MTR: variants seen among roughly 807,000 people sequenced by gnomAD.
MTR encodes methionine synthase.
A neutral mutation model predicts 154.8 loss-of-function variants in MTR; 84 were observed. The observed-to-expected ratio is 0.54, with a 90% CI of 0.45 to 0.65. MTR has a LOEUF of 0.65. Among genes scored for constraint, MTR ranks in the 30% least tolerant of loss-of-function variants. The pLI, the probability that MTR is intolerant of heterozygous loss-of-function variation, is 0.00. For synonymous variants in MTR, 554 were observed against 553.9 expected (o/e 1.00, Z 0.00); for missense variants, 1,275 against 1,570.2 (o/e 0.81, Z 3.18).
At chr1:236,829,490 T>G (rs958442445) in intron 12 of MTR, among the ~76,000 whole-genome samples, 1 of 152,242 alleles carries the variant, frequency 6.6e-6, no homozygotes, top group Non-Finnish European at 1.5e-5. Context: ...AAGGCCCAGG[T>G]GATTTGCCCA....
At chr1:236,818,049 G>A (rs1401304226) in intron 8 of MTR, among the ~76,000 whole-genome samples, 2 of 152,134 alleles carry the variant, frequency 1.3e-5, no homozygotes, top group East Asian at 1.9e-4. Flanking sequence ...TTAAATTTTT[G>A]TGCCTATCTG....
intron 15 of MTR, among the ~76,000 whole-genome samples, chr1:236,849,841 A>G (rs1663797768): frequency 2.0e-5 from 3 of 152,198 alleles, no homozygotes; most frequent in Admixed American, 2.0e-4. Flanking sequence ...ATATCCTTGA[A>G]TATGCTTAGA....
intron 3 of MTR, among the ~76,000 whole-genome samples, chr1:236,806,863 G>A (rs1469845130): frequency 1.3e-5 from 2 of 152,076 alleles, no homozygotes; most frequent in African/African-American, 4.8e-5. Flanking sequence ...TGACTAGTTT[G>A]TTTCACTTAA....
At chr1:236,795,975 T>C (rs1439978672) in intron 1 of MTR, among the ~76,000 whole-genome samples, 3 of 151,872 alleles carry the variant, frequency 2.0e-5, no homozygotes, top group Non-Finnish European at 2.9e-5. Flanking sequence ...GCAAAAAGCG[T>C]CCTCCCCTCG....
chr1:236,797,332 T>G (rs933303787), intron 1 of MTR, among the ~76,000 whole-genome samples: 13 of 152,214 alleles, frequency 8.5e-5, no homozygotes, highest in African/African-American at 2.7e-4. Context: ...AGGTTGGGCC[T>G]TAAAACTAAA....
chr1:236,896,403 G>A (rs924371931), intron 31 of MTR, among the ~76,000 whole-genome samples: 3 of 152,216 alleles, frequency 2.0e-5, no homozygotes, highest in African/African-American at 7.2e-5. Context: ...TGAGATCTGG[G>A]TTTGAGTCCT....
chr1:236,858,349 C>T (rs1479281739), intron 18 of MTR, among the ~76,000 whole-genome samples: 1 of 152,142 alleles, frequency 6.6e-6, no homozygotes, highest in African/African-American at 2.4e-5. Context: ...AAGAACAGCA[C>T]AGGAAAGACC....
intron 19 of MTR, among the ~76,000 whole-genome samples, chr1:236,860,811 C>T (rs1222308460): frequency 1.3e-5 from 2 of 152,104 alleles, no homozygotes; most frequent in Admixed American, 1.3e-4. Context: ...TATGTATTTA[C>T]TGCATACAAC....
At chr1:236,894,775 A>G (rs971906758) in intron 30 of MTR, 18 of 585,066 alleles carry the variant, frequency 3.1e-5, no homozygotes, top group African/African-American at 7.5e-5. Flanking sequence ...AAAACCTTGA[A>G]TGGTGCCACA....
intron 6 of MTR, among the ~76,000 whole-genome samples, chr1:236,813,878 G>T (rs1661446579): frequency 6.6e-6 from 1 of 151,988 alleles, no homozygotes; most frequent in Non-Finnish European, 1.5e-5. Flanking sequence ...TGGTGTAGGA[G>T]AATTTTTCTT....
chr1:236,897,300 C>CCACGCACGCACGCACACACA (rs1666680163), intron 32 of MTR, among the ~76,000 whole-genome samples, 182 bp downstream of exon 32: 1 of 30,714 alleles, frequency 3.3e-5, no homozygotes, highest in African/African-American at 9.7e-5. Context: ...TACATGCAAG[C>CCACGCACGCACGCACACACA]CACACACACG....
Position 236,898,143 on chromosome 1 carries a change from G to T in MTR, c.*499G>T. ...ATTCTGACGGGGAAGGTGTAGCTCTGTTCTCTTCGGAAGACCTCGTTTTCT... is the reference window on the plus strand; with the variant it reads ...ATTCTGACGGGGAAGGTGTAGCTCTTTTCTCTTCGGAAGACCTCGTTTTCT... On this transcript the variant is annotated 3_prime_UTR_variant, in exon 33 of 33. Coordinates refer to ENST00000366577, the MANE Select transcript of MTR (RefSeq NM_000254.3). 6.0e-6 allele frequency: 1 copy of T among 165,408 alleles called. No homozygotes were observed. The highest frequency in any genetic ancestry group is 1.6e-4 in the South Asian group (1 of 6,208). 10.2% of individuals were successfully genotyped at this position (165,408 alleles called of 1,614,324 possible).
chr1:236,850,258 T>C, intron 15 of MTR, 86 bp from the exon 16 acceptor site: 1 of 877,208 alleles, frequency 1.1e-6, no homozygotes, highest in Non-Finnish European at 1.5e-6. Flanking sequence ...TAATATTTTA[T>C]TAAAATAAAA....
chr1:236,840,933 G>A (rs926383068), intron 15 of MTR, among the ~76,000 whole-genome samples: 1 of 152,160 alleles, frequency 6.6e-6, no homozygotes, highest in African/African-American at 2.4e-5. Context: ...GAGGCACGTT[G>A]TTAAAATTGT....
chr1:236,897,435 C>T (rs1318897559), intron 32 of MTR, 123 bp from the exon 33 acceptor site: 2 of 963,626 alleles, frequency 2.1e-6, no homozygotes, highest in African/African-American at 3.2e-5. Context: ...CCATTTAACT[C>T]TGTAGATTGC....
intron 15 of MTR, among the ~76,000 whole-genome samples, chr1:236,847,545 A>G (rs1663654131): frequency 6.6e-6 from 1 of 152,224 alleles, no homozygotes. Flanking sequence ...CCTGTTTGAT[A>G]AAGCTATAAA....
chr1:236,852,747 A>G, intron 17 of MTR, 110 bp downstream of exon 17: 1 of 1,161,284 alleles, frequency 8.6e-7, no homozygotes, highest in Non-Finnish European at 1.3e-6. Context: ...TTCTGTAAAT[A>G]AGATTTTATT....
intron 23 of MTR, among the ~76,000 whole-genome samples, chr1:236,874,349 C>T (rs1300106897): frequency 2.6e-5 from 4 of 151,916 alleles, no homozygotes; most frequent in Admixed American, 6.6e-5. Context: ...CTGAGGCAGG[C>T]GGATCATTTG....
At chr1:236,832,199 G>C (rs142011912) in intron 13 of MTR, 121 bp downstream of exon 13, 21 of 852,354 alleles carry the variant, frequency 2.5e-5, no homozygotes, top group Non-Finnish European at 4.1e-5. Flanking sequence ...AGTGTGAGAA[G>C]ATGGTAATGT....
Sources: allele counts gnomAD v4.1 joint callset (sites outside exome capture counted in the v4.1 genomes callset), GRCh38; gene constraint gnomAD v4.1.1; transcripts MANE v1.5; gene names NCBI Gene and HGNC (gene_info 2026-07-23, HGNC 2026-07-21).